The following DNAI2 variants were observed in gnomAD, a reference collection of about 807,000 sequenced individuals.
DNAI2 encodes dynein axonemal intermediate chain 2.
A neutral mutation model predicts 74.7 loss-of-function variants in DNAI2; 63 were observed. The observed-to-expected ratio is 0.84, with a 90% confidence interval of 0.69 to 1.04. The LOEUF (loss-of-function observed/expected upper bound fraction) is 1.04. DNAI2 is among the 50% of genes least tolerant of loss of function. The pLI is 0.00. For synonymous variants in DNAI2, 289 were observed against 314.9 expected, an observed-to-expected ratio of 0.92 and a Z score of 0.87; for missense variants, 688 against 803.2, an observed-to-expected ratio of 0.86 and a Z score of 1.73.
intron 2 of DNAI2, among the ~76,000 whole-genome samples, chr17:74,282,906 AG>A (rs962439762): frequency 2.6e-5 from 4 of 152,232 alleles, no homozygotes; most frequent in Non-Finnish European, 4.4e-5. Context: ...CAAATGAATT[AG>A]GTGCTTCTCT....
chr17:74,310,551 A>G (rs906998146), intron 11 of DNAI2, among the ~76,000 whole-genome samples: 3 of 148,698 alleles, frequency 2.0e-5, no homozygotes, highest in Non-Finnish European at 3.0e-5. Context: ...TTATTTATTT[A>G]TTTTTGAGAC....
chr17:74,312,051 C>G lies in DNAI2; in HGVS notation c.1543C>G (p.Arg515Gly), dbSNP rs748717910. 6.2e-7 allele frequency: 1 copy of G among 1,612,298 alleles called. No homozygotes were observed. The highest frequency in any genetic ancestry group is 1.7e-5 in the Admixed American group (1 of 60,006). ...RREKILEARH[R>G]EMRLKEKGKA... is the part of the protein sequence containing the mutation. ...AGAGAAGATCCTGGAGGCCAGGCAC[C>G]GGGAGATGCGGCTGAAGGAGAAGGG... Residue 515 changes from arginine to glycine, a missense_variant, in exon 12 of 14, where the codon CGG (arginine) becomes GGG (glycine). Coordinates refer to ENST00000311014, the MANE Select transcript of DNAI2 (RefSeq NM_023036.6).
intron 6 of DNAI2, among the ~76,000 whole-genome samples, chr17:74,296,806 C>T (rs2052472237): frequency 6.6e-6 from 1 of 152,152 alleles, no homozygotes; most frequent in African/African-American, 2.4e-5. Context: ...TGTTTTTCAT[C>T]AGGAGTGCAG....
At chr17:74,297,050 C>T (rs185618973) in intron 6 of DNAI2, among the ~76,000 whole-genome samples, 2 of 152,240 alleles carry the variant, frequency 1.3e-5, no homozygotes, top group Admixed American at 6.6e-5. Flanking sequence ...CCTTACTTCA[C>T]GGATTTTGCT....
chr17:74,279,225 C>T (rs1331007375), intron 1 of DNAI2, among the ~76,000 whole-genome samples: 3 of 151,872 alleles, frequency 2.0e-5, no homozygotes, highest in Admixed American at 6.6e-5. Context: ...GGGATGGATA[C>T]CCCATTCTCC....
At chr17:74,292,735 T>C (rs2052191557) in intron 6 of DNAI2, among the ~76,000 whole-genome samples, 1 of 152,088 alleles carries the variant, frequency 6.6e-6, no homozygotes, top group Admixed American at 6.5e-5. Flanking sequence ...TTAAAATTTA[T>C]TGAGACTTGT....
intron 9 of DNAI2, 100 bp from the exon 10 acceptor site, chr17:74,309,153 C>T (rs1186471773): frequency 7.3e-7 from 1 of 1,362,068 alleles, no homozygotes; most frequent in Non-Finnish European, 1.0e-6. Flanking sequence ...TCCTACCTAG[C>T]AAGACTCTGA....
chr17:74,291,956 C>T (rs1038865826), intron 6 of DNAI2, among the ~76,000 whole-genome samples: 2 of 151,812 alleles, frequency 1.3e-5, no homozygotes, highest in East Asian at 3.9e-4. Context: ...CTCCACCTCT[C>T]GGATTCAAGT....
At chr17:74,308,808 C>T (rs942536346) in intron 9 of DNAI2, among the ~76,000 whole-genome samples, 4 of 151,976 alleles carry the variant, frequency 2.6e-5, no homozygotes, top group Non-Finnish European at 5.9e-5. Context: ...AGGCACATGA[C>T]CAGCCCAGAG....
rs371226659 is a variant in DNAI2, at chr17:74,285,052, C to T, written c.196C>T (p.Arg66Trp). 134 of 1,614,054 alleles carry T rather than the reference C, an allele frequency of 8.3e-5. No homozygotes were observed. Among genetic ancestry groups the T allele is most frequent in the Non-Finnish European group, 9.6e-5 (113 of 1,180,042 alleles). The change falls in exon 3 of 14, where the codon CGG becomes TGG. Residue 66 changes from arginine to tryptophan, a missense_variant. By Grantham distance (101) the Arg-to-Trp change is moderately radical. Transcript: ENST00000311014. ...SMSEHEANSE[R>W]FEMETRGVNH... ...GCTCTCTGTTTAGGCCAACTCAGAGCGGTTTGAGATGGAGACCCGGGGAGT... is the reference window on the plus strand; with the variant it reads ...GCTCTCTGTTTAGGCCAACTCAGAGTGGTTTGAGATGGAGACCCGGGGAGT...
intron 1 of DNAI2, among the ~76,000 whole-genome samples, chr17:74,278,651 C>A (rs1298778368): frequency 6.6e-6 from 1 of 152,102 alleles, no homozygotes; most frequent in East Asian, 1.9e-4. Flanking sequence ...GTGGCGCATA[C>A]CTGTAATCCC....
chr17:74,300,022 C>G lies in DNAI2; in HGVS notation c.864+165C>G, dbSNP rs1198261717. ...GGAGTGCAATGGCACGATCTTGGTT[C>G]ACTGCAACCTCTGCCTCCCGGGTTC... is the stretch of plus-strand genomic sequence containing the variant. On this transcript the variant is annotated intron_variant, in intron 7 of 13. Transcript: ENST00000311014. This position sits in a 1 kb window ranked among gnomAD's most constrained non-coding sequence, Gnocchi z 4.5. 6.6e-6 allele frequency among the ~76,000 whole-genome samples: 1 copy of G among 152,244 alleles called. No individual in the cohort carries two copies. The highest frequency in any genetic ancestry group is 2.4e-5 in the African/African-American group (1 of 41,470).
At position 74,285,088 on chromosome 17, in the gene DNAI2, G is replaced by A. The variant is rs1039980393; in HGVS notation, c.232G>A (p.Glu78Lys). 9.3e-6 allele frequency: 15 copies of A among 1,614,202 alleles called. No individual in the cohort carries two copies. The highest frequency in any genetic ancestry group is 8.8e-5 in the South Asian group (8 of 91,084). ...GGAGACCCGGGGAGTTAACCATGTC[G>A]AGGGGGGCTGGCCCAAGGACGTGAA... is the stretch of plus-strand genomic sequence containing the variant. ...EMETRGVNHV[E>K]GGWPKDVNPL... Residue 78 changes from glutamate (E) to lysine (K), a missense_variant, in exon 3 of 14, where the codon GAG (glutamate) becomes AAG (lysine). Glu to Lys is a moderately conservative substitution (Grantham distance 56). Coordinates refer to ENST00000311014, the MANE Select transcript of DNAI2 (RefSeq NM_023036.6).
At chr17:74,312,378 A>G in intron 12 of DNAI2, 148 bp downstream of exon 12, 1 of 676,562 alleles carries the variant, frequency 1.5e-6, no homozygotes, top group Non-Finnish European at 2.5e-6. Flanking sequence ...GCAAGTGGGA[A>G]GAATTATTCC....
intron 2 of DNAI2, among the ~76,000 whole-genome samples, chr17:74,282,708 T>C (rs2051466641): frequency 6.6e-6 from 1 of 152,242 alleles, no homozygotes; most frequent in African/African-American, 2.4e-5. Flanking sequence ...GCCTCCACGA[T>C]AAGAGAACTT....
At chr17:74,291,212 G>A (rs1423081270) in intron 6 of DNAI2, 79 bp downstream of exon 6, 2 of 1,227,846 alleles carry the variant, frequency 1.6e-6, no homozygotes, top group Non-Finnish European at 2.3e-6. Context: ...CCAGGCTGGA[G>A]TGTAGTGGTG....
intron 8 of DNAI2, among the ~76,000 whole-genome samples, chr17:74,302,894 G>T (rs2144055861): frequency 6.6e-6 from 1 of 152,346 alleles, no homozygotes; most frequent in South Asian, 2.1e-4. Flanking sequence ...GGAAGGAGGA[G>T]ACAATTCCAC....
intron 1 of DNAI2, among the ~76,000 whole-genome samples, chr17:74,280,490 T>G (rs529362689): frequency 6.6e-6 from 1 of 152,298 alleles, no homozygotes; most frequent in African/African-American, 2.4e-5. Context: ...TCCCGCCTGT[T>G]GGGGAAGCCC....
chr17:74,298,549 C>T (rs1379332979), intron 6 of DNAI2, among the ~76,000 whole-genome samples: 1 of 152,122 alleles, frequency 6.6e-6, no homozygotes, highest in East Asian at 1.9e-4. Flanking sequence ...ACAAGTGATC[C>T]ACCTGCCTCA....
Sources: gnomAD v4.1 joint callset for allele counts (sites outside exome capture counted in the v4.1 genomes callset) on GRCh38, gnomAD v4.1.1 for gene constraint, Gnocchi (gnomAD v3.1) non-coding constraint, MANE v1.5 for transcripts, NCBI Gene and HGNC (gene_info 2026-07-23, HGNC 2026-07-21) for gene names.